FDX1: variants seen among roughly 807,000 people sequenced by gnomAD.
The protein encoded by FDX1 is adrenodoxin, mitochondrial.
Under a neutral mutation model 14.9 loss-of-function variants are expected in FDX1, and 9 were observed. The ratio of observed to expected loss-of-function variants is 0.60; its 90% confidence interval spans 0.36 to 1.05. The LOEUF (loss-of-function observed/expected upper bound fraction) is 1.05. Ranked by LOEUF, FDX1 falls within the 50% of genes least tolerant of loss-of-function variation. The pLI is 0.01. For synonymous variants in FDX1, 92 were observed against 99.4 expected (o/e 0.93, Z 0.44); for missense variants, 204 against 237.2 (o/e 0.86, Z 0.92).
At position 110,435,844 on chromosome 11, in the gene FDX1, A is replaced by G. The variant is rs1946364540; in HGVS notation, c.196A>G (p.Lys66Glu). The G allele has an allele frequency of 4.4e-6, 7 of 1,599,612 alleles. No individual in the cohort carries two copies. Among genetic ancestry groups the G allele is most frequent in the Admixed American group, 1.7e-5 (1 of 57,684 alleles). ...SARARSSSED[K>E]ITVHFINRDG... The stretch of plus-strand genomic sequence containing the variant: ...TGTTTTTTTTTCCAGCTCAGAAGAT[A>G]AAATAACAGTCCACTTTATAAACCG... Residue 66 changes from lysine to glutamate, a missense_variant, in exon 2 of 4, where the codon AAA (lysine) becomes GAA (glutamate). Lys to Glu is a moderately conservative substitution (Grantham distance 56). Transcript: ENST00000260270.
In FDX1 at chr11:110,435,854, T is replaced by G; in HGVS notation, c.206T>G (p.Val69Gly). The change falls in exon 2 of 4, where the codon GTC becomes GGC. Residue 69 changes from valine (V) to glycine (G), a missense_variant. Coordinates refer to ENST00000260270, the MANE Select transcript of FDX1 (RefSeq NM_004109.5). ...ARSSSEDKIT[V>G]HFINRDGETL... is the part of the protein sequence containing the mutation. Reference sequence around the variant, plus strand: ...TCCAGCTCAGAAGATAAAATAACAGTCCACTTTATAAACCGTGATGGTGAA... The same window carrying G: ...TCCAGCTCAGAAGATAAAATAACAGGCCACTTTATAAACCGTGATGGTGAA... 1 of 1,606,248 alleles carries G rather than the reference T, an allele frequency of 6.2e-7. No individual in the cohort carries two copies. Among genetic ancestry groups the G allele is most frequent in the Non-Finnish European group, 8.5e-7 (1 of 1,175,348 alleles).
rs1946321667 is a variant in FDX1, at chr11:110,430,324, G to A, written c.185+19G>A. ...GGAGCAGGTAGGGCGCCGTGCGGGCGCGATCGCCGGCGCGGGCCGGGGTCC... is the reference window on the plus strand; with the variant it reads ...GGAGCAGGTAGGGCGCCGTGCGGGCACGATCGCCGGCGCGGGCCGGGGTCC... On this transcript the variant is annotated intron_variant, in intron 1 of 3. Transcript: ENST00000260270. 4 of 1,186,602 alleles carry A rather than the reference G, an allele frequency of 3.4e-6. No individual in the cohort carries two copies. The highest frequency in any genetic ancestry group is 1.6e-5 in the African/African-American group (1 of 62,698). The allele number at this position is 1,186,602 out of a possible 1,614,324, so 73.5% of individuals were successfully genotyped here.
intron 2 of FDX1, among the ~76,000 whole-genome samples, chr11:110,442,255 G>A (rs903046280): frequency 2.6e-5 from 4 of 152,212 alleles, no homozygotes; most frequent in Admixed American, 2.0e-4. Flanking sequence ...CCCTATTGGG[G>A]CACCGCCTAG....
intron 2 of FDX1, among the ~76,000 whole-genome samples, chr11:110,451,745 G>T (rs1277302842): frequency 6.6e-6 from 1 of 152,208 alleles, no homozygotes; most frequent in African/African-American, 2.4e-5. Context: ...ATGGAATACT[G>T]TGCAGCCGTA....
intron 3 of FDX1, among the ~76,000 whole-genome samples, chr11:110,461,993 A>C (rs957814329): frequency 1.3e-5 from 2 of 152,226 alleles, no homozygotes. Context: ...GAATTGATTA[A>C]TCATTTTCTT....
chr11:110,443,902 T>C (rs1027501669), intron 2 of FDX1, among the ~76,000 whole-genome samples: 8 of 152,096 alleles, frequency 5.3e-5, no homozygotes, highest in African/African-American at 1.9e-4. Flanking sequence ...CTTTGCCTAT[T>C]TTTTTAATGA....
At chr11:110,455,209 GT>G (rs1039585200) in intron 2 of FDX1, among the ~76,000 whole-genome samples, 1 of 151,792 alleles carries the variant, frequency 6.6e-6, no homozygotes, top group Non-Finnish European at 1.5e-5. Flanking sequence ...GTTTCACTAC[GT>G]TAGCCAGGCT....
intron 2 of FDX1, among the ~76,000 whole-genome samples, chr11:110,444,652 A>G (rs7129791): frequency 0.019 from 1,554 of 81,370 alleles, 111 homozygotes; most frequent in African/African-American, 0.079. Context: ...GTGTGTGTGT[A>G]TATATATATA....
chr11:110,455,855 A>C (rs977479841), intron 2 of FDX1, among the ~76,000 whole-genome samples: 1 of 152,350 alleles, frequency 6.6e-6, no homozygotes, highest in East Asian at 1.9e-4. Flanking sequence ...GGCAGACTTT[A>C]GCTTGGTAGA....
chr11:110,452,032 A>G (rs1178402227), intron 2 of FDX1, among the ~76,000 whole-genome samples: 1 of 152,198 alleles, frequency 6.6e-6, no homozygotes, highest in African/African-American at 2.4e-5. Flanking sequence ...TGTGGGAAAA[A>G]AAAGGTGCAT....
intron 3 of FDX1, among the ~76,000 whole-genome samples, chr11:110,460,692 C>T (rs1946551182): frequency 6.6e-6 from 1 of 152,196 alleles, no homozygotes; most frequent in South Asian, 2.1e-4. Context: ...CTCATTAATG[C>T]TGGCATTAGC....
intron 2 of FDX1, among the ~76,000 whole-genome samples, chr11:110,452,647 T>G (rs988125794): frequency 1.3e-5 from 2 of 152,168 alleles, no homozygotes; most frequent in Admixed American, 6.5e-5. Context: ...TTTACACCTT[T>G]AATTTCTTGG....
intron 2 of FDX1, among the ~76,000 whole-genome samples, chr11:110,441,054 G>A (rs539325589): frequency 2.5e-4 from 38 of 152,294 alleles, no homozygotes; most frequent in African/African-American, 7.7e-4. Context: ...ATAAGAGGGA[G>A]TTTCCCTGCA....
At chr11:110,448,026 A>G (rs976241264) in intron 2 of FDX1, among the ~76,000 whole-genome samples, 4 of 152,202 alleles carry the variant, frequency 2.6e-5, no homozygotes, top group African/African-American at 9.7e-5. Context: ...AAACTTATAA[A>G]CATTCTCATT....
At chr11:110,453,559 T>G (rs190266389) in intron 2 of FDX1, among the ~76,000 whole-genome samples, 1,741 of 138,050 alleles carry the variant, frequency 0.013, 33 homozygotes, top group African/African-American at 0.05. Flanking sequence ...TTTTTGCAGG[T>G]TTTTTTTTTT....
intron 2 of FDX1, among the ~76,000 whole-genome samples, chr11:110,440,391 G>A (rs748731512): frequency 2.0e-5 from 3 of 152,110 alleles, no homozygotes; most frequent in Non-Finnish European, 2.9e-5. Context: ...CAATATAGGC[G>A]GTCAGTGCTC....
At chr11:110,448,742 A>G (rs1474058216) in intron 2 of FDX1, among the ~76,000 whole-genome samples, 3 of 152,230 alleles carry the variant, frequency 2.0e-5, no homozygotes, top group Non-Finnish European at 2.9e-5. Context: ...TTATATGCAT[A>G]TATTTGAAAT....
At chr11:110,447,501 A>G (rs1320400667) in intron 2 of FDX1, among the ~76,000 whole-genome samples, 1 of 151,838 alleles carries the variant, frequency 6.6e-6, no homozygotes, top group African/African-American at 2.4e-5. Flanking sequence ...ATAGGATAAA[A>G]TCTGTATTCC....
chr11:110,453,212 C>T (rs1946497658), intron 2 of FDX1, among the ~76,000 whole-genome samples: 1 of 152,158 alleles, frequency 6.6e-6, no homozygotes, highest in Admixed American at 6.5e-5. Context: ...TGGCTCATGC[C>T]TGTAATCTCA....
Sources: gnomAD v4.1 joint callset for allele counts (sites outside exome capture counted in the v4.1 genomes callset) on GRCh38, gnomAD v4.1.1 for gene constraint, MANE v1.5 for transcripts, NCBI Gene and HGNC (gene_info 2026-07-23, HGNC 2026-07-21) for gene names.